The following TRAP1 variants were observed in gnomAD, a reference collection of about 807,000 sequenced individuals.
The protein encoded by TRAP1 is TNF receptor associated protein 1, also known as heat shock protein 75 kDa, mitochondrial.
In TRAP1, 102 loss-of-function variants were observed where a neutral mutation model predicts 89.1. The ratio of observed to expected loss-of-function variants is 1.15; its 90% CI spans 0.98 to 1.35. The LOEUF (loss-of-function observed/expected upper bound fraction) is 1.35, where lower values mean the gene tolerates loss of function less well. Among genes scored for constraint, TRAP1 ranks in the 40% most tolerant of loss-of-function variants. The pLI is 0.00. For synonymous variants in TRAP1, 508 were observed against 388.0 expected, an observed-to-expected ratio of 1.31 and a Z score of -3.64; for missense variants, 1,256 against 945.3, an observed-to-expected ratio of 1.33 and a Z score of -4.31.
chr16:3,674,450 A>T lies in TRAP1; in HGVS notation c.933T>A (p.His311Gln), dbSNP rs142413437. The change falls in exon 9 of 18, where the codon CAT becomes CAA. Residue 311 changes from histidine (H) to glutamine (Q), a missense_variant. Coordinates refer to ENST00000246957, the MANE Select transcript of TRAP1 (RefSeq NM_016292.3). The stretch of plus-strand genomic sequence containing the variant: ...GCGCGACGTAGCGGTAGAACTCCTC[A>T]TGTTGCCACTCACGGACATCCTTGG... ...MDPKDVREWQ[H>Q]EEFYRYVAQA... The T allele has an allele frequency of 2.2e-5, 35 of 1,613,886 alleles. No individual in the cohort carries two copies. Among genetic ancestry groups the T allele is most frequent in the Non-Finnish European group, 3.0e-5 (35 of 1,180,012 alleles).
At chr16:3,704,456 G>A (rs2051411994) in intron 1 of TRAP1, 1 of 152,200 alleles carries the variant, frequency 6.6e-6, no homozygotes, top group Non-Finnish European at 1.5e-5. Context: ...AATTCATGTG[G>A]AAAAGTTAGT....
intron 11 of TRAP1, 141 bp downstream of exon 11, chr16:3,671,581 A>G: frequency 1.2e-6 from 1 of 802,886 alleles, no homozygotes; most frequent in Non-Finnish European, 2.0e-6. Context: ...AAGGCTCCTG[A>G]GGGCCCCCAT....
intron 8 of TRAP1, among the ~76,000 whole-genome samples, chr16:3,675,120 T>C (rs2050971325): frequency 6.6e-6 from 1 of 152,166 alleles, no homozygotes; most frequent in Non-Finnish European, 1.5e-5. Context: ...CCCTGACCCC[T>C]GACCCCGGCT....
intron 8 of TRAP1, 160 bp from the exon 9 acceptor site, chr16:3,674,654 GCTATGCCGGGTAGT>G: frequency 2.4e-6 from 2 of 839,208 alleles, no homozygotes; most frequent in Non-Finnish European, 3.6e-6. Context: ...CCACCGCTGG[GCTATGCCGGGTAGT>G]GCAGGGGAGA....
At chr16:3,687,817 C>T (rs2051156997) in intron 3 of TRAP1, among the ~76,000 whole-genome samples, 1 of 147,388 alleles carries the variant, frequency 6.8e-6, no homozygotes. Flanking sequence ...CACTGCACTC[C>T]AGCCTGGGCG....
intron 1 of TRAP1, among the ~76,000 whole-genome samples, chr16:3,695,621 A>C (rs1040560172): frequency 6.6e-6 from 1 of 152,210 alleles, no homozygotes; most frequent in African/African-American, 2.4e-5. Context: ...AAAATGAAAT[A>C]CAAACAGCAA....
At chr16:3,669,298 C>T (rs74005844) in intron 11 of TRAP1, among the ~76,000 whole-genome samples, 3,967 of 152,210 alleles carry the variant, frequency 0.026, 172 homozygotes, top group African/African-American at 0.09. Flanking sequence ...TGCTGTGGGG[C>T]GGGGATGCAT....
chr16:3,708,425 T>G (rs2151283521), intron 1 of TRAP1, among the ~76,000 whole-genome samples: 1 of 151,546 alleles, frequency 6.6e-6, no homozygotes, highest in Admixed American at 6.6e-5. Context: ...GATCATGAGG[T>G]CAGGAGTTCA....
In TRAP1 at chr16:3,691,180, C is replaced by T. The variant is rs150971858; in HGVS notation, c.89-195G>A. 1.0e-3 allele frequency: 460 copies of T among 454,202 alleles called. 1 individual carries two copies. The highest frequency in any genetic ancestry group is 8.7e-3 in the African/African-American group (430 of 49,194). 28.1% of individuals were successfully genotyped at this position (454,202 alleles called of 1,614,324 possible). A position where few individuals can be genotyped will look rare whatever the true frequency, so the allele number is the denominator to read the frequency against. On this transcript the variant is annotated intron_variant, in intron 1 of 17. Coordinates refer to ENST00000246957, the MANE Select transcript of TRAP1 (RefSeq NM_016292.3). ...TTTGGCAAGGAGCCCTCACAGATGT[C>T]ATCAGTGTAAGATACTGTGTCTTCT...
chr16:3,710,879 A>ATATATATATTTTTTTT (rs71133652), intron 1 of TRAP1, among the ~76,000 whole-genome samples: 1 of 125,834 alleles, frequency 7.9e-6, no homozygotes, highest in Non-Finnish European at 1.6e-5. Context: ...ATATATATAT[A>ATATATATATTTTTTTT]TTTTTTTTTT....
intron 1 of TRAP1, among the ~76,000 whole-genome samples, chr16:3,712,921 T>C (rs1034819262): frequency 2.0e-5 from 3 of 152,096 alleles, no homozygotes; most frequent in Non-Finnish European, 4.4e-5. Flanking sequence ...CGGCCTGATG[T>C]GTTCTTTTTC....
At position 3,713,133 on chromosome 16, in the gene TRAP1, G is replaced by C. The variant is rs542131514; in HGVS notation, c.88+4288C>G. 2.0e-5 allele frequency among the ~76,000 whole-genome samples: 3 copies of C among 152,194 alleles called. No homozygotes were observed. In the South Asian group the frequency reaches 6.2e-4, roughly 32 times the overall value. On this transcript the variant is annotated intron_variant, in intron 1 of 17. Transcript: ENST00000246957. ...CTGTTTCACAGACAGAGTCGCAACTGACCAGCAAGTACTACTCCCCTCCAC... is the reference window on the plus strand; with the variant it reads ...CTGTTTCACAGACAGAGTCGCAACTCACCAGCAAGTACTACTCCCCTCCAC...
At chr16:3,706,277 C>G (rs935020048) in intron 1 of TRAP1, among the ~76,000 whole-genome samples, 1 of 151,686 alleles carries the variant, frequency 6.6e-6, no homozygotes, top group Non-Finnish European at 1.5e-5. Context: ...TTTACTGTAA[C>G]TTTTGTTTTG....
chr16:3,683,308 G>C (rs1398830855), intron 4 of TRAP1, among the ~76,000 whole-genome samples: 1 of 151,876 alleles, frequency 6.6e-6, no homozygotes, highest in African/African-American at 2.4e-5. Flanking sequence ...AAAAACTAAG[G>C]AAACCTGAAT....
chr16:3,684,764 T>C (rs1283089506), intron 4 of TRAP1, among the ~76,000 whole-genome samples: 1 of 152,052 alleles, frequency 6.6e-6, no homozygotes, highest in East Asian at 1.9e-4. Context: ...CACTCCAGCC[T>C]GGGCGACACA....
At chr16:3,694,357 T>TA in intron 1 of TRAP1, among the ~76,000 whole-genome samples, 1 of 152,036 alleles carries the variant, frequency 6.6e-6, no homozygotes, top group South Asian at 2.1e-4. Context: ...TCTCTTTTTT[T>TA]TTTTGAGACA....
chr16:3,703,043 GAAAA>G (rs36093237), intron 1 of TRAP1, among the ~76,000 whole-genome samples: 1 of 43,500 alleles, frequency 2.3e-5, no homozygotes, highest in African/African-American at 9.1e-5. Context: ...ACTCCGTCTT[GAAAA>G]AAAAAAAAAA....
Position 3,662,865 on chromosome 16 carries a change from C to T in TRAP1, c.1794+17G>A, listed in dbSNP as rs758139154. ...ACACTGCGGCCAAGTGGTGGTCCAT[C>T]CCCGGGAAAGCCTCACCTTCACGTT... On this transcript the variant is annotated intron_variant, in intron 15 of 17. Coordinates refer to ENST00000246957, the MANE Select transcript of TRAP1 (RefSeq NM_016292.3). 1.2e-6 allele frequency: 2 copies of T among 1,612,984 alleles called. No homozygotes were observed. Among genetic ancestry groups the T allele is most frequent in the South Asian group, 1.1e-5 (1 of 91,064 alleles).
At chr16:3,700,895 G>C (rs988135773) in intron 1 of TRAP1, among the ~76,000 whole-genome samples, 2 of 152,096 alleles carry the variant, frequency 1.3e-5, no homozygotes, top group African/African-American at 4.8e-5. Flanking sequence ...AGGAAAAACA[G>C]GGAAAAAATC....
Sources: allele counts gnomAD v4.1 joint callset (sites outside exome capture counted in the v4.1 genomes callset), GRCh38; gene constraint gnomAD v4.1.1; transcripts MANE v1.5; gene names NCBI Gene and HGNC (gene_info 2026-07-23, HGNC 2026-07-21).